The following DLG2 variants were observed in gnomAD, a reference collection of about 807,000 sequenced individuals.
DLG2 encodes the protein disks large homolog 2.
Under a neutral mutation model 132.5 loss-of-function variants are expected in DLG2, and 45 were observed. The ratio of observed to expected loss-of-function variants is 0.34; its 90% confidence interval spans 0.27 to 0.44. DLG2 has a LOEUF of 0.44. DLG2 is among the 20% of genes least tolerant of loss of function. The pLI is 1.00. For missense variants in DLG2, 1,045 were observed against 1,196.9 expected, an observed-to-expected ratio of 0.87 and a Z score of 1.87; for synonymous variants, 424 against 419.6, an observed-to-expected ratio of 1.01 and a Z score of -0.13.
intron 17 of DLG2, among the ~76,000 whole-genome samples, chr11:83,787,317 T>TC (rs1340904579): frequency 1.1e-5 from 1 of 90,078 alleles, no homozygotes; most frequent in African/African-American, 6.3e-5. Flanking sequence ...GCCTTGTTTT[T>TC]TTTTTGTTTT....
chr11:84,534,798 T>G, intron 6 of DLG2, 67 bp from the exon 7 acceptor site: 1 of 1,553,428 alleles, frequency 6.4e-7, no homozygotes, highest in Non-Finnish European at 8.9e-7. Flanking sequence ...TAGACTGAAC[T>G]TCATATTCTA....
chr11:85,550,650 T>C (rs941682794), intron 3 of DLG2, among the ~76,000 whole-genome samples: 1 of 152,188 alleles, frequency 6.6e-6, no homozygotes, highest in Admixed American at 6.5e-5. Flanking sequence ...CAGGGAAATA[T>C]CTTGCTTCAA....
chr11:84,211,354 C>T (rs537792333), intron 8 of DLG2, among the ~76,000 whole-genome samples: 1 of 152,300 alleles, frequency 6.6e-6, no homozygotes, highest in South Asian at 2.1e-4. Flanking sequence ...CTTCCCTGCT[C>T]AGATTGAGAC....
chr11:85,013,319 A>G (rs549276912), intron 6 of DLG2, among the ~76,000 whole-genome samples: 1 of 152,254 alleles, frequency 6.6e-6, no homozygotes, highest in Admixed American at 6.5e-5. Flanking sequence ...TCTTTCCTGA[A>G]CCATGTATCT....
At chr11:84,998,270 G>A (rs905330844) in intron 6 of DLG2, among the ~76,000 whole-genome samples, 4 of 151,878 alleles carry the variant, frequency 2.6e-5, no homozygotes, top group Admixed American at 6.6e-5. Context: ...GGAGGTAATC[G>A]GATTATGGTG....
At chr11:83,848,281 C>T (rs2059026265) in intron 16 of DLG2, among the ~76,000 whole-genome samples, 1 of 152,038 alleles carries the variant, frequency 6.6e-6, no homozygotes, top group Non-Finnish European at 1.5e-5. Context: ...TAGTCTAGTG[C>T]CTGGTACAGA....
chr11:85,259,797 T>A (rs1595766689), intron 4 of DLG2, among the ~76,000 whole-genome samples: 1 of 152,206 alleles, frequency 6.6e-6, no homozygotes, highest in East Asian at 1.9e-4. Flanking sequence ...TCCACCTCAC[T>A]ATTTTTTTCA....
intron 4 of DLG2, among the ~76,000 whole-genome samples, chr11:85,193,952 C>T (rs2080832623): frequency 6.6e-6 from 1 of 152,128 alleles, no homozygotes; most frequent in Non-Finnish European, 1.5e-5. Flanking sequence ...CTGCAGGCAC[C>T]CATGTGAATG....
intron 7 of DLG2, among the ~76,000 whole-genome samples, chr11:84,492,699 T>A (rs1004932724): frequency 6.6e-6 from 1 of 152,150 alleles, no homozygotes; most frequent in Non-Finnish European, 1.5e-5. Flanking sequence ...TTTGTCATCC[T>A]CATCATCATC....
In DLG2 at chr11:84,925,120, C is replaced by G. The variant is rs552920766; in HGVS notation, c.357+186541G>C. On this transcript the variant is annotated intron_variant, in intron 6 of 27. Transcript: ENST00000376104. The stretch of plus-strand genomic sequence containing the variant: ...CTTTATTCAACCTGTGAATAAGTAC[C>G]ATTTTTTTCCATTAGAAGCTGGGAA... Among the ~76,000 whole-genome samples the G allele has an allele frequency of 4.2e-3, 632 of 152,190 alleles. 6 individuals carry two copies. Among genetic ancestry groups the G allele is most frequent in the African/African-American group, 0.015 (616 of 41,536 alleles).
rs186379049 is a variant in DLG2 at position 84,856,022 on chromosome 11, T to C, written c.357+255639A>G. 5.5e-4 allele frequency among the ~76,000 whole-genome samples: 84 copies of C among 152,070 alleles called. 2 individuals carry two copies. The Middle Eastern group carries it at 0.014, about 25-fold the overall frequency. On this transcript the variant is annotated intron_variant, in intron 6 of 27. Coordinates refer to ENST00000376104, the MANE Select transcript of DLG2 (RefSeq NM_001142699.3). ...CCTCTCTAAAATAATTCCCCTGAAA[T>C]GGTCACAGAGGGTTGCATAAAAAAT...
At chr11:85,592,998 G>A (rs1460897514) in intron 3 of DLG2, among the ~76,000 whole-genome samples, 1 of 150,898 alleles carries the variant, frequency 6.6e-6, no homozygotes, top group Non-Finnish European at 1.5e-5. Context: ...AAGAAGGAAG[G>A]AAGGACGGAA....
rs1449361147 is a variant in DLG2, at chr11:84,235,901, G to A, written c.573+15337C>T. 6.6e-5 allele frequency among the ~76,000 whole-genome samples: 10 copies of A among 152,256 alleles called. No homozygotes were observed. The East Asian group carries it at 1.7e-3, about 27-fold the overall frequency. On this transcript the variant is annotated intron_variant, in intron 8 of 27. Transcript: ENST00000376104. ...CAATAATATACTTTGTATGGTTACT[G>A]TGAAGATTGAATAAATTAACATATG...
At chr11:85,080,957 A>G (rs945850783) in intron 6 of DLG2, among the ~76,000 whole-genome samples, 1 of 152,152 alleles carries the variant, frequency 6.6e-6, no homozygotes, top group African/African-American at 2.4e-5. Context: ...GGCTCAAAAC[A>G]TTTTATTAAA....
chr11:85,307,141 T>C (rs1041055810), intron 3 of DLG2, among the ~76,000 whole-genome samples: 10 of 152,220 alleles, frequency 6.6e-5, no homozygotes, highest in African/African-American at 2.4e-4. Flanking sequence ...ACCTTGTCTT[T>C]AGGGCACAAG....
At chr11:85,185,523 A>T (rs1333888152) in intron 4 of DLG2, among the ~76,000 whole-genome samples, 2 of 151,980 alleles carry the variant, frequency 1.3e-5, no homozygotes, top group Non-Finnish European at 2.9e-5. Flanking sequence ...CATGTAGAGT[A>T]TCTCATTGTG....
intron 7 of DLG2, among the ~76,000 whole-genome samples, chr11:84,284,347 A>C (rs2097886169): frequency 6.6e-6 from 1 of 152,246 alleles, no homozygotes; most frequent in Admixed American, 6.5e-5. Flanking sequence ...GCCATATTTT[A>C]TAAGGGGAAT....
chr11:84,333,451 C>A (rs1192424953), intron 7 of DLG2, among the ~76,000 whole-genome samples: 1 of 152,216 alleles, frequency 6.6e-6, no homozygotes, highest in African/African-American at 2.4e-5. Context: ...CTGATCTCTG[C>A]TGTATGCTTC....
In DLG2 at chr11:84,818,050, T is replaced by C. The variant is rs371233367; in HGVS notation, c.358-283319A>G. On this transcript the variant is annotated intron_variant, in intron 6 of 27. Transcript: ENST00000376104. ...ATGAATATATGAAAAAATAAATACA[T>C]CTTCCTAACAATCTTAACTGATGCC... Among the ~76,000 whole-genome samples the C allele has an allele frequency of 3.9e-4, 60 of 152,086 alleles. No homozygotes were observed. In the South Asian group the frequency reaches 8.3e-3, roughly 21 times the overall value.
Sources: gnomAD v4.1 joint callset for allele counts (sites outside exome capture counted in the v4.1 genomes callset) on GRCh38, gnomAD v4.1.1 for gene constraint, MANE v1.5 for transcripts, NCBI Gene and HGNC (gene_info 2026-07-23, HGNC 2026-07-21) for gene names.